The following KCNH7 variants were observed in gnomAD, a reference collection of about 807,000 sequenced individuals.
KCNH7 encodes the protein potassium voltage-gated channel subfamily H member 7, also known as voltage-gated inwardly rectifying potassium channel KCNH7.
KCNH7 carries 49 observed loss-of-function variants against 120.8 expected under a neutral mutation model. The ratio of observed to expected loss-of-function variants is 0.41; its 90% CI spans 0.32 to 0.51. The LOEUF is 0.51. KCNH7 is among the 20% of genes least tolerant of loss of function. The pLI, the probability that KCNH7 is intolerant of heterozygous loss-of-function variation, is 0.38. For missense variants in KCNH7, 1,097 were observed against 1,446.6 expected (o/e 0.76, Z 3.92); for synonymous variants, 547 against 516.1 (o/e 1.06, Z -0.81).
chr2:162,390,245 T>A (rs1686703811), intron 12 of KCNH7, among the ~76,000 whole-genome samples: 2 of 150,456 alleles, frequency 1.3e-5, no homozygotes, highest in African/African-American at 4.9e-5. Context: ...AATCGCATTA[T>A]ATATATATAC....
At chr2:162,744,833 A>G (rs1688261656) in intron 2 of KCNH7, among the ~76,000 whole-genome samples, 1 of 152,226 alleles carries the variant, frequency 6.6e-6, no homozygotes, top group Admixed American at 6.5e-5. Context: ...TCGGCCTCCC[A>G]AAGTGCTGGG....
intron 2 of KCNH7, among the ~76,000 whole-genome samples, chr2:162,833,223 C>G (rs762471964): frequency 2.6e-5 from 4 of 152,038 alleles, no homozygotes; most frequent in Non-Finnish European, 4.4e-5. Context: ...CTAGCTAGCT[C>G]TCTTCCGTGA....
At chr2:162,478,580 C>T (rs903444564) in intron 6 of KCNH7, among the ~76,000 whole-genome samples, 8 of 152,084 alleles carry the variant, frequency 5.3e-5, no homozygotes, top group Non-Finnish European at 1.0e-4. Context: ...CAAATTCTCT[C>T]CTTCACATCA....
chr2:162,502,044 G>T (rs962758302), intron 6 of KCNH7: 1 of 152,140 alleles, frequency 6.6e-6, no homozygotes, highest in Non-Finnish European at 1.5e-5. Context: ...AGGTAGAAAA[G>T]TGTTATTTTG....
intron 2 of KCNH7, among the ~76,000 whole-genome samples, chr2:162,581,446 T>G (rs1019014690): frequency 6.6e-6 from 1 of 152,054 alleles, no homozygotes; most frequent in Non-Finnish European, 1.5e-5. Flanking sequence ...ATAGAGTCAT[T>G]GTTTTATTAT....
intron 2 of KCNH7, among the ~76,000 whole-genome samples, chr2:162,711,025 G>A (rs1423233752): frequency 6.6e-6 from 1 of 152,074 alleles, no homozygotes; most frequent in Non-Finnish European, 1.5e-5. Flanking sequence ...CCTATAAGAT[G>A]TTTAAAATTA....
At chr2:162,463,168 G>T (rs1240180354) in intron 6 of KCNH7, among the ~76,000 whole-genome samples, 1 of 151,944 alleles carries the variant, frequency 6.6e-6, no homozygotes, top group Non-Finnish European at 1.5e-5. Context: ...TTATGGACTT[G>T]TTCTTTTTGG....
At chr2:162,470,144 A>C (rs1689455704) in intron 6 of KCNH7, among the ~76,000 whole-genome samples, 1 of 152,040 alleles carries the variant, frequency 6.6e-6, no homozygotes, top group African/African-American at 2.4e-5. Context: ...CTGGGAAGTG[A>C]GGAGTGTCTC....
intron 2 of KCNH7, among the ~76,000 whole-genome samples, chr2:162,628,441 C>A (rs1468719629): frequency 6.6e-6 from 1 of 152,070 alleles, no homozygotes; most frequent in African/African-American, 2.4e-5. Context: ...CTTGAGAAAT[C>A]TTTTCTTTTT....
chr2:162,723,219 G>A (rs915287547), intron 2 of KCNH7, among the ~76,000 whole-genome samples: 10 of 151,604 alleles, frequency 6.6e-5, no homozygotes, highest in Non-Finnish European at 1.5e-4. Flanking sequence ...ATTGTTACAT[G>A]CATATTAGTA....
chr2:162,419,100 T>C (rs757746768), intron 9 of KCNH7, among the ~76,000 whole-genome samples: 19 of 151,722 alleles, frequency 1.3e-4, no homozygotes, highest in Non-Finnish European at 2.5e-4. Flanking sequence ...CAAGTTCCCT[T>C]TTAAACCTGC....
chr2:162,592,071 G>T (rs533344641), intron 2 of KCNH7, among the ~76,000 whole-genome samples: 2 of 152,138 alleles, frequency 1.3e-5, no homozygotes, highest in East Asian at 1.9e-4. Context: ...AGAAGGGGAG[G>T]CAGTCTTATC....
chr2:162,762,337 A>G (rs1455907453), intron 2 of KCNH7, among the ~76,000 whole-genome samples: 1 of 151,864 alleles, frequency 6.6e-6, no homozygotes, highest in Admixed American at 6.6e-5. Context: ...ACATCTTGTC[A>G]GCAAATAACT....
chr2:162,678,169 T>C (rs549457912), intron 2 of KCNH7, among the ~76,000 whole-genome samples: 2 of 151,556 alleles, frequency 1.3e-5, no homozygotes, highest in East Asian at 1.9e-4. Context: ...TGCCTATTTC[T>C]AGATCACATG....
intron 2 of KCNH7, among the ~76,000 whole-genome samples, chr2:162,568,930 T>G (rs953558938): frequency 5.3e-5 from 8 of 152,120 alleles, no homozygotes; most frequent in African/African-American, 1.9e-4. Flanking sequence ...TGCCAGTATT[T>G]TATTGAGGAT....
intron 2 of KCNH7, among the ~76,000 whole-genome samples, chr2:162,597,253 T>C (rs10190658): frequency 0.51 from 78,071 of 151,936 alleles, 20,286 homozygotes; most frequent in Middle Eastern, 0.62. Flanking sequence ...CCCATGTTCA[T>C]GGCAGCATTA....
intron 2 of KCNH7, among the ~76,000 whole-genome samples, chr2:162,696,726 T>G (rs1186493017): frequency 1.3e-5 from 2 of 152,120 alleles, no homozygotes; most frequent in African/African-American, 2.4e-5. Flanking sequence ...TATCAGTTAT[T>G]GAAGAAGCTA....
intron 2 of KCNH7, among the ~76,000 whole-genome samples, chr2:162,582,537 C>A (rs1314067943): frequency 1.3e-5 from 2 of 152,048 alleles, no homozygotes; most frequent in Non-Finnish European, 2.9e-5. Context: ...TTTGACTCTG[C>A]AATCTAATTT....
chr2:162,562,842 C>T (rs1354956323), intron 2 of KCNH7, among the ~76,000 whole-genome samples: 5 of 152,138 alleles, frequency 3.3e-5, no homozygotes, highest in Non-Finnish European at 4.4e-5. Context: ...AAACTCTTTC[C>T]TTCTAGAATC....
Sources: gnomAD v4.1 joint callset for allele counts (sites outside exome capture counted in the v4.1 genomes callset) on GRCh38, gnomAD v4.1.1 for gene constraint, MANE v1.5 for transcripts, NCBI Gene and HGNC (gene_info 2026-07-23, HGNC 2026-07-21) for gene names.